Variants in CKM observed in about 807,000 individuals in gnomAD.
The protein encoded by CKM is creatine kinase M-type.
A neutral mutation model predicts 35.4 loss-of-function variants in CKM; 28 were observed. That is an observed-to-expected ratio of 0.79 (90% CI 0.59 to 1.08). The LOEUF is 1.08. CKM is among the 50% of genes least tolerant of loss of function. The probability of loss-of-function intolerance (pLI) is 0.00; values close to 1 mark genes in which losing one functional copy is unlikely to be tolerated. For missense variants in CKM, 484 were observed against 509.8 expected (o/e 0.95, Z 0.49); for synonymous variants, 215 against 204.4 (o/e 1.05, Z -0.44).
At chr19:45,312,538 T>G (rs185857692) in intron 4 of CKM, among the ~76,000 whole-genome samples, 34 of 151,814 alleles carry the variant, frequency 2.2e-4, no homozygotes, top group African/African-American at 8.0e-4. Context: ...ATCTCTTGCC[T>G]CAGCCTCTCA....
chr19:45,315,515 G>A lies in CKM; in HGVS notation c.431C>T (p.Pro144Leu), dbSNP rs748106567. Residue 144 changes from proline to leucine, a missense_variant, in exon 4 of 8, where the codon CCA becomes CTA. Coordinates refer to ENST00000221476, the MANE Select transcript of CKM (RefSeq NM_001824.5). ...GRSIKGYTLP[P>L]HCSRGERRAV... ...CCGGCGCTCGCCACGGGAGCAGTGT[G>A]GGGGCAACGTGTAGCCCTTGATGCT... 1.2e-6 allele frequency: 2 copies of A among 1,601,060 alleles called. No individual in the cohort carries two copies. The highest frequency in any genetic ancestry group is 1.7e-6 in the Non-Finnish European group (2 of 1,179,918).
At chr19:45,316,964 C>G (rs12983935) in intron 3 of CKM, among the ~76,000 whole-genome samples, 70,553 of 151,832 alleles carry the variant, frequency 0.46, 19,822 homozygotes, top group Non-Finnish European at 0.63. Flanking sequence ...GGATTACAAG[C>G]GTGAGCCACT....
chr19:45,311,464 G>A (rs1971108985), intron 5 of CKM, among the ~76,000 whole-genome samples: 1 of 151,878 alleles, frequency 6.6e-6, no homozygotes, highest in South Asian at 2.1e-4. Context: ...GACCTCAAGT[G>A]ATCCCCCCGC....
chr19:45,310,437 A>G (rs1366232500), intron 5 of CKM, among the ~76,000 whole-genome samples: 1 of 152,026 alleles, frequency 6.6e-6, no homozygotes, highest in Non-Finnish European at 1.5e-5. Context: ...TGCTTTTAAT[A>G]CTTTACATAA....
At chr19:45,315,298 A>G (rs942540887) in intron 4 of CKM, among the ~76,000 whole-genome samples, 167 bp downstream of exon 4, 5 of 152,122 alleles carry the variant, frequency 3.3e-5, no homozygotes, top group African/African-American at 4.8e-5. Context: ...AATCTCCAAC[A>G]CAGCAGGTAA....
At position 45,314,475 on chromosome 19, in the gene CKM, G is replaced by A. The variant is rs552208936; in HGVS notation, c.481+990C>T. Among the ~76,000 whole-genome samples, 7 of 150,142 alleles carry A rather than the reference G, an allele frequency of 4.7e-5. No homozygotes were observed. In the East Asian group the frequency reaches 6.0e-4, roughly 13 times the overall value. ...GTCCCCCAGGCTGGAGTGCAGTGGC[G>A]TGATCTCAGCTCACTGCAACCTCTG... On this transcript the variant is annotated intron_variant, in intron 4 of 7. Transcript: ENST00000221476.
chr19:45,312,414 C>A (rs1246132926), intron 4 of CKM, among the ~76,000 whole-genome samples: 1 of 151,798 alleles, frequency 6.6e-6, no homozygotes, highest in African/African-American at 2.4e-5. Context: ...CATAGCAAGA[C>A]CCCCATCTTT....
chr19:45,307,715 G>T, intron 6 of CKM, 65 bp from the exon 7 acceptor site: 1 of 1,385,264 alleles, frequency 7.2e-7, no homozygotes, highest in South Asian at 1.2e-5. Flanking sequence ...CCCGCAACAT[G>T]GACAGGGTCC....
Position 45,322,181 on chromosome 19 carries a change from C to A in CKM, c.-19+640G>T, listed in dbSNP as rs140822100. Among the ~76,000 whole-genome samples the A allele has an allele frequency of 3.3e-5, 5 of 151,808 alleles. No homozygotes were observed. In the East Asian group the frequency reaches 9.7e-4, roughly 29 times the overall value. ...ATGCCCCCCTAATCCCTGCCAGGGACACCCCAGGAGAGGGCACTGAGGCAG... is the reference window on the plus strand; with the variant it reads ...ATGCCCCCCTAATCCCTGCCAGGGAAACCCCAGGAGAGGGCACTGAGGCAG... On this transcript the variant is annotated intron_variant, in intron 1 of 7. Coordinates refer to ENST00000221476, the MANE Select transcript of CKM (RefSeq NM_001824.5).
chr19:45,313,935 A>G (rs1329052607), intron 4 of CKM, among the ~76,000 whole-genome samples: 1 of 152,076 alleles, frequency 6.6e-6, no homozygotes, highest in Non-Finnish European at 1.5e-5. Flanking sequence ...CCAACATGGG[A>G]GGATCACTTA....
Position 45,319,528 on chromosome 19 carries a change from G to T in CKM, c.186C>A (p.Asp62Glu), listed in dbSNP as rs1383331739. 2 of 1,613,768 alleles carry T rather than the reference G, an allele frequency of 1.2e-6. No individual in the cohort carries two copies. Among genetic ancestry groups the T allele is most frequent in the Non-Finnish European group, 1.7e-6 (2 of 1,179,878 alleles). Reference protein sequence around the residue: ...TVDDVIQTGVDNPGHPFIMTV... With the variant: ...TVDDVIQTGVENPGHPFIMTV... ...TCCACTGGGGAGGCTCACCTGGGTT[G>T]TCCACTCCTGTCTGGATGACATCGT... The change falls in exon 2 of 8, where the codon GAC (aspartate) becomes GAA (glutamate). Residue 62 changes from aspartate (D) to glutamate (E), a missense_variant. Transcript: ENST00000221476.
chr19:45,306,965 G>A lies in CKM; in HGVS notation c.968-37C>T, dbSNP rs760060418. 49 of 1,608,360 alleles carry A rather than the reference G, an allele frequency of 3.0e-5. No homozygotes were observed. The highest frequency in any genetic ancestry group is 3.6e-5 in the Non-Finnish European group (42 of 1,178,084). ...AGGGACAGGGGCGTGAAGAGGCAGC[G>A]AAGGTGCAGAGGGGCTGGGACGTGG... is the stretch of plus-strand genomic sequence containing the variant. On this transcript the variant is annotated intron_variant, in intron 7 of 7. Transcript: ENST00000221476. This position sits in a 1 kb window ranked among gnomAD's most constrained non-coding sequence, Gnocchi z 4.5.
chr19:45,306,544 G>C lies in CKM; in HGVS notation c.*206C>G, dbSNP rs1971053050. ...CTGGGAAAAGAAGAGGACCCTGCCA[G>C]GGAGATATTTCATTGGCCAGAATCC... On this transcript the variant is annotated 3_prime_UTR_variant, in exon 8 of 8. Transcript: ENST00000221476. This position sits in a 1 kb window ranked among gnomAD's most constrained non-coding sequence, Gnocchi z 4.5. The C allele has an allele frequency of 1.8e-5, 11 of 606,018 alleles. No individual in the cohort carries two copies. In the South Asian group the frequency reaches 2.1e-4, roughly 12 times the overall value. 37.5% of individuals were successfully genotyped at this position (606,018 alleles called of 1,614,324 possible).
At position 45,319,714 on chromosome 19, in the gene CKM, G is replaced by C. The variant is rs759985276; in HGVS notation, c.-1C>G. 177 of 1,614,012 alleles carry C rather than the reference G, an allele frequency of 1.1e-4. 1 individual carries two copies. Among genetic ancestry groups the C allele is most frequent in the Non-Finnish European group, 1.4e-4 (171 of 1,180,006 alleles). ...TGTTGTGGGTGTTACCGAATGGCAT[G>C]GTGGCGGTGTAGGAGACCTGATGGG... On this transcript the variant is annotated 5_prime_UTR_variant, in exon 2 of 8. Transcript: ENST00000221476.
intron 3 of CKM, among the ~76,000 whole-genome samples, 182 bp from the exon 4 acceptor site, chr19:45,315,779 G>A (rs1971151895): frequency 6.6e-6 from 1 of 151,266 alleles, no homozygotes; most frequent in East Asian, 1.9e-4. Context: ...TCCCTTCTCT[G>A]TCTCTCTCCC....
At chr19:45,311,675 G>T in intron 5 of CKM, 74 bp downstream of exon 5, 1 of 1,295,142 alleles carries the variant, frequency 7.7e-7, no homozygotes, top group Non-Finnish European at 1.1e-6. Context: ...TTTTGGTGGA[G>T]GAGTGAGGAG....
intron 1 of CKM, 105 bp downstream of exon 1, chr19:45,322,716 G>T: frequency 1.5e-6 from 1 of 659,922 alleles, no homozygotes; most frequent in Non-Finnish European, 1.9e-6. Flanking sequence ...GGAGGATGTT[G>T]GTGGAGCAAG....
chr19:45,314,654 T>G (rs1971140316), intron 4 of CKM, among the ~76,000 whole-genome samples: 1 of 152,090 alleles, frequency 6.6e-6, no homozygotes, highest in Non-Finnish European at 1.5e-5. Flanking sequence ...CCTCAAATGA[T>G]CCACCTGCCT....
Position 45,311,748 on chromosome 19 carries a change from C to G in CKM, c.653+1G>C. On this transcript the variant is annotated splice_donor_variant, in intron 5 of 7. Transcript: ENST00000221476. LOFTEE classifies it high-confidence loss of function. ...AGCCAGGGGGCGGGGAGGGGCCTCA[C>G]CAGATGCCACGGGCGTCGGGCCAGT... The G allele has an allele frequency of 3.2e-6, 5 of 1,574,606 alleles. No individual in the cohort carries two copies. Among genetic ancestry groups the G allele is most frequent in the Non-Finnish European group, 4.3e-6 (5 of 1,161,766 alleles).
Sources: allele counts gnomAD v4.1 joint callset (sites outside exome capture counted in the v4.1 genomes callset), GRCh38; gene constraint gnomAD v4.1.1; non-coding constraint Gnocchi (gnomAD v3.1); transcripts MANE v1.5; gene names NCBI Gene and HGNC (gene_info 2026-07-23, HGNC 2026-07-21).